Variants in DAPK2 observed in about 807,000 individuals in gnomAD.
DAPK2 encodes the protein death-associated protein kinase 2.
In DAPK2, 35 loss-of-function variants were observed where a neutral mutation model predicts 44.1. The ratio of observed to expected loss-of-function variants is 0.79; its 90% CI spans 0.61 to 1.05. The LOEUF (loss-of-function observed/expected upper bound fraction) is 1.05, where lower values mean the gene tolerates loss of function less well. DAPK2 is among the 50% of genes least tolerant of loss of function. The pLI, the probability that DAPK2 is intolerant of heterozygous loss-of-function variation, is 0.00. For missense variants in DAPK2, 453 were observed against 483.2 expected (o/e 0.94, Z 0.59); for synonymous variants, 174 against 182.6 (o/e 0.95, Z 0.38).
intron 3 of DAPK2, among the ~76,000 whole-genome samples, chr15:63,967,633 G>C (rs1215362923): frequency 1.3e-5 from 2 of 152,170 alleles, no homozygotes; most frequent in Admixed American, 1.3e-4. Context: ...AGAGGCTGCA[G>C]GGAGCCGAGA....
At chr15:63,969,417 C>T (rs979668840) in intron 3 of DAPK2, among the ~76,000 whole-genome samples, 4 of 151,092 alleles carry the variant, frequency 2.6e-5, no homozygotes, top group African/African-American at 9.8e-5. Flanking sequence ...GAGACCCTGT[C>T]CCCCCCAAAA....
intron 1 of DAPK2, among the ~76,000 whole-genome samples, chr15:64,032,037 T>C (rs1164462042): frequency 6.6e-6 from 1 of 152,120 alleles, no homozygotes; most frequent in East Asian, 1.9e-4. Context: ...GCAGTTAACT[T>C]ATGAGTATCT....
chr15:63,999,810 A>G (rs2079037132), intron 1 of DAPK2, among the ~76,000 whole-genome samples: 3 of 151,738 alleles, frequency 2.0e-5, no homozygotes. Context: ...CTGTTGCCCC[A>G]GCTGGAGTGC....
intron 3 of DAPK2, among the ~76,000 whole-genome samples, chr15:63,952,048 T>C (rs2077602527): frequency 6.6e-6 from 1 of 152,158 alleles, no homozygotes; most frequent in Non-Finnish European, 1.5e-5. Flanking sequence ...GAGACCAGCC[T>C]GGCCAACATG....
exon 2 of DAPK2, chr15:63,983,680 T>G: frequency 6.2e-7 from 1 of 1,613,960 alleles, no homozygotes; most frequent in Non-Finnish European, 8.5e-7. Flanking sequence ...GCTCTGCCGC[T>G]TCTTGATGAA....
At chr15:64,000,516 C>G (rs2079057721) in intron 1 of DAPK2, among the ~76,000 whole-genome samples, 1 of 152,102 alleles carries the variant, frequency 6.6e-6, no homozygotes, top group Non-Finnish European at 1.5e-5. Context: ...TCATGACTCA[C>G]AAAAATGCAA....
intron 2 of DAPK2, among the ~76,000 whole-genome samples, chr15:63,977,634 G>A (rs888212748): frequency 1.3e-5 from 2 of 152,214 alleles, no homozygotes; most frequent in African/African-American, 4.8e-5. Flanking sequence ...ATCATCAGGG[G>A]TGGCAGTGGT....
At chr15:64,012,092 G>A (rs1383327761) in intron 1 of DAPK2, among the ~76,000 whole-genome samples, 1 of 152,162 alleles carries the variant, frequency 6.6e-6, no homozygotes, top group African/African-American at 2.4e-5. Context: ...ACACTGCAAA[G>A]CTGTACCATA....
intron 1 of DAPK2, among the ~76,000 whole-genome samples, chr15:64,038,091 T>C (rs1234037584): frequency 6.6e-6 from 1 of 152,118 alleles, no homozygotes; most frequent in African/African-American, 2.4e-5. Context: ...TAAGAAGGAA[T>C]TATAAATGCA....
At chr15:63,942,287 A>G in intron 3 of DAPK2, 7 of 981,640 alleles carry the variant, frequency 7.1e-6, no homozygotes, top group Non-Finnish European at 8.5e-6. Flanking sequence ...ACAGTGGCTC[A>G]CACATGTAAT....
chr15:63,978,069 AG>A (rs770439588), intron 2 of DAPK2, among the ~76,000 whole-genome samples: 2 of 152,228 alleles, frequency 1.3e-5, no homozygotes, highest in Non-Finnish European at 2.9e-5. Context: ...ACCTAGTGCA[AG>A]AAAGACATTC....
intron 7 of DAPK2, among the ~76,000 whole-genome samples, 194 bp from the exon 9 acceptor site, chr15:63,925,055 A>G (rs1328073132): frequency 6.6e-6 from 1 of 152,232 alleles, no homozygotes; most frequent in African/African-American, 2.4e-5. Flanking sequence ...AGCAGTCCAG[A>G]CAGACCCCTC....
At chr15:63,971,832 C>T (rs1405798115) in intron 2 of DAPK2, among the ~76,000 whole-genome samples, 1 of 152,220 alleles carries the variant, frequency 6.6e-6, no homozygotes, top group African/African-American at 2.4e-5. Flanking sequence ...GCCCTGGTCC[C>T]AGTCACCCTG....
At chr15:64,022,096 G>A (rs2079699873) in intron 1 of DAPK2, among the ~76,000 whole-genome samples, 1 of 152,142 alleles carries the variant, frequency 6.6e-6, no homozygotes, top group Admixed American at 6.5e-5. Flanking sequence ...AAAGGGAAGG[G>A]AAACATATTA....
chr15:63,924,889 G>A (rs377722594), intron 7 of DAPK2, 28 bp from the exon 9 acceptor site: 5 of 1,613,082 alleles, frequency 3.1e-6, no homozygotes. Context: ...AAACAGTGAT[G>A]ATCCATGAGG....
intron 4 of DAPK2, among the ~76,000 whole-genome samples, chr15:63,936,585 G>T (rs1395519324): frequency 6.6e-6 from 1 of 152,036 alleles, no homozygotes; most frequent in Admixed American, 6.6e-5. Flanking sequence ...CACTCCATGG[G>T]TGACAGAGTG....
chr15:63,969,871 G>A (rs1012001621), intron 3 of DAPK2, among the ~76,000 whole-genome samples: 2 of 152,200 alleles, frequency 1.3e-5, no homozygotes, highest in African/African-American at 4.8e-5. Context: ...CTGAGCTCAT[G>A]CCCTGGCATA....
intron 4 of DAPK2, among the ~76,000 whole-genome samples, chr15:63,933,009 G>A (rs1005259964): frequency 6.6e-6 from 1 of 152,002 alleles, no homozygotes; most frequent in African/African-American, 2.4e-5. Flanking sequence ...AACAATTATT[G>A]AAACGACATT....
At chr15:64,008,353 C>A (rs332263) in intron 1 of DAPK2, among the ~76,000 whole-genome samples, 142,609 of 152,252 alleles carry the variant, frequency 0.94, 67,541 homozygotes, top group East Asian at 1. Flanking sequence ...AGTCAGTGCT[C>A]TCCCCATTAT....
Sources: allele counts gnomAD v4.1 joint callset (sites outside exome capture counted in the v4.1 genomes callset), GRCh38; gene constraint gnomAD v4.1.1; transcripts MANE v1.5; gene names NCBI Gene and HGNC (gene_info 2026-07-23, HGNC 2026-07-21).